The following TM6SF1 variants were observed in gnomAD, a reference collection of about 807,000 sequenced individuals.
The protein encoded by TM6SF1 is transmembrane 6 superfamily member 1.
TM6SF1 carries 43 observed loss-of-function variants against 47.1 expected under a neutral mutation model. The observed-to-expected ratio is 0.91, with a 90% confidence interval of 0.72 to 1.18. The LOEUF (loss-of-function observed/expected upper bound fraction) is 1.18, where lower values mean the gene tolerates loss of function less well. Ranked by LOEUF, TM6SF1 falls within the 50% of genes most tolerant of loss-of-function variation. The pLI, the probability that TM6SF1 is intolerant of heterozygous loss-of-function variation, is 0.00. For missense variants in TM6SF1, 390 were observed against 449.0 expected (o/e 0.87, Z 1.19); for synonymous variants, 177 against 166.3 (o/e 1.06, Z -0.49).
chr15:83,120,247 G>C (rs1464603042), intron 4 of TM6SF1, among the ~76,000 whole-genome samples: 1 of 152,216 alleles, frequency 6.6e-6, no homozygotes, highest in African/African-American at 2.4e-5. Context: ...ATGCTAGCTT[G>C]GTCTTGGGAG....
chr15:83,131,114 A>T (rs1314028548), intron 9 of TM6SF1: 1 of 152,060 alleles, frequency 6.6e-6, no homozygotes, highest in Non-Finnish European at 1.5e-5. Context: ...AAAAAAACAA[A>T]ACAAAACAAA....
At chr15:83,119,783 C>T in intron 4 of TM6SF1, 102 bp downstream of exon 4, 3 of 1,557,940 alleles carry the variant, frequency 1.9e-6, no homozygotes, top group South Asian at 2.4e-5. Flanking sequence ...AGCAGGTATA[C>T]TGGACATGAA....
intron 3 of TM6SF1, among the ~76,000 whole-genome samples, chr15:83,118,133 G>A (rs1407800686): frequency 1.3e-5 from 2 of 152,124 alleles, no homozygotes; most frequent in African/African-American, 4.8e-5. Context: ...AGACAAAGGC[G>A]GGAGGATCGC....
Position 83,122,751 on chromosome 15 carries a change from A to G in TM6SF1, c.482-6A>G. On this transcript the variant is annotated splice_polypyrimidine_tract_variant and splice_region_variant and intron_variant, in intron 5 of 9. Transcript: ENST00000322019. ...TAACTTCTTTCTCTTTCTCTCTTTTAAATAGGGAAGTATGGAACACGAATT... is the reference window on the plus strand; with the variant it reads ...TAACTTCTTTCTCTTTCTCTCTTTTGAATAGGGAAGTATGGAACACGAATT... 6.2e-7 allele frequency: 1 copy of G among 1,612,688 alleles called. No homozygotes were observed. Among genetic ancestry groups the G allele is most frequent in the Non-Finnish European group, 8.5e-7 (1 of 1,179,666 alleles).
At chr15:83,122,734 T>G in intron 5 of TM6SF1, 23 bp from the exon 6 acceptor site, 1 of 1,609,546 alleles carries the variant, frequency 6.2e-7, no homozygotes, top group South Asian at 1.1e-5. Flanking sequence ...GGTAACTTCT[T>G]TCTCTTTCTC....
chr15:83,136,469 T>A lies in TM6SF1; in HGVS notation c.922-12T>A, dbSNP rs745352496. 15 of 1,562,094 alleles carry A rather than the reference T, an allele frequency of 9.6e-6. No homozygotes were observed. The Admixed American group carries it at 1.3e-4, about 13-fold the overall frequency. ...TCATGCTTACTCAATTTTTTTTTTT[T>A]AAATGCAACAGGCTCAGTTTTCTCA... is the stretch of plus-strand genomic sequence containing the variant. On this transcript the variant is annotated splice_polypyrimidine_tract_variant and intron_variant, in intron 9 of 9. Coordinates refer to ENST00000322019, the MANE Select transcript of TM6SF1 (RefSeq NM_023003.5).
At chr15:83,134,644 G>A (rs2036493146) in intron 9 of TM6SF1, 1 of 152,220 alleles carries the variant, frequency 6.6e-6, no homozygotes, top group Non-Finnish European at 1.5e-5. Context: ...CCCTATGCAA[G>A]TAGGCACAAC....
chr15:83,127,449 C>T lies in TM6SF1; in HGVS notation c.893C>T (p.Thr298Ile). Residue 298 changes from threonine to isoleucine, a missense_variant, in exon 9 of 10, where the codon ACA becomes ATA. By Grantham distance (89) the Thr-to-Ile change is moderately conservative. Coordinates refer to ENST00000322019, the MANE Select transcript of TM6SF1 (RefSeq NM_023003.5). ...GGATGTTCCTGGATGCCTGACATCA[C>T]ATTGATACATGCTGGAGGTCTGGCT... ...VPGCSWMPDI[T>I]LIHAGGLAQA... is the part of the protein sequence containing the mutation. 6.2e-7 allele frequency: 1 copy of T among 1,613,828 alleles called. No individual in the cohort carries two copies. The highest frequency in any genetic ancestry group is 8.5e-7 in the Non-Finnish European group (1 of 1,179,856).
At position 83,107,993 on chromosome 15, in the gene TM6SF1, A is replaced by G; in HGVS notation, c.92+221A>G. The stretch of plus-strand genomic sequence containing the variant: ...GGCCCTGAGGTGCCCAGGCTGGCGC[A>G]TTTCGGGATGTTGGTGCCAGCACCG... On this transcript the variant is annotated intron_variant, in intron 1 of 9. Coordinates refer to ENST00000322019, the MANE Select transcript of TM6SF1 (RefSeq NM_023003.5). The surrounding 1 kb of genome is among the most constrained non-coding windows in gnomAD (Gnocchi z 5.6). 1.0e-6 allele frequency: 1 copy of G among 957,886 alleles called. No individual in the cohort carries two copies. Among genetic ancestry groups the G allele is most frequent in the Non-Finnish European group, 1.4e-6 (1 of 725,656 alleles). The allele number at this position is 957,886 out of a possible 1,614,324, so 59.3% of individuals were successfully genotyped here.
At chr15:83,118,736 G>A (rs1188998451) in intron 3 of TM6SF1, among the ~76,000 whole-genome samples, 2 of 152,164 alleles carry the variant, frequency 1.3e-5, no homozygotes, top group Non-Finnish European at 2.9e-5. Context: ...AGCCAGGACA[G>A]CATGAACGTG....
intron 3 of TM6SF1, among the ~76,000 whole-genome samples, chr15:83,119,164 G>C (rs2034984135): frequency 6.6e-6 from 1 of 152,176 alleles, no homozygotes; most frequent in Non-Finnish European, 1.5e-5. Context: ...GGATCAGCAT[G>C]AATTATTAAG....
intron 1 of TM6SF1, chr15:83,111,719 G>C: frequency 1.0e-6 from 1 of 982,260 alleles, no homozygotes; most frequent in Non-Finnish European, 1.2e-6. Flanking sequence ...GTAGTATTTT[G>C]TCTAGAATTG....
At chr15:83,111,985 C>T (rs774010165) in intron 1 of TM6SF1, among the ~76,000 whole-genome samples, 4 of 152,264 alleles carry the variant, frequency 2.6e-5, no homozygotes, top group Non-Finnish European at 5.9e-5. Context: ...CCTAGGGTGA[C>T]ACAGTTAGCA....
chr15:83,119,761 G>C, intron 4 of TM6SF1, 80 bp downstream of exon 4: 1 of 1,593,942 alleles, frequency 6.3e-7, no homozygotes, highest in East Asian at 2.2e-5. Context: ...TATGCATAGA[G>C]GCAAATACAC....
chr15:83,136,699 T>C lies in TM6SF1; in HGVS notation c.*27T>C, dbSNP rs539584765. 4.5e-6 allele frequency: 7 copies of C among 1,564,346 alleles called. No homozygotes were observed. In the African/African-American group the frequency reaches 9.6e-5, roughly 22 times the overall value. On this transcript the variant is annotated 3_prime_UTR_variant, in exon 10 of 10. Coordinates refer to ENST00000322019, the MANE Select transcript of TM6SF1 (RefSeq NM_023003.5). ...AATATTACTTCATGTTCCTCCTTTCTAAATTACTAACTTTTGTTATACTGG... is the reference window on the plus strand; with the variant it reads ...AATATTACTTCATGTTCCTCCTTTCCAAATTACTAACTTTTGTTATACTGG...
At chr15:83,127,285 C>G in intron 8 of TM6SF1, 73 bp from the exon 9 acceptor site, 3 of 1,410,010 alleles carry the variant, frequency 2.1e-6, no homozygotes, top group South Asian at 1.7e-5. Flanking sequence ...AAAATGTTTA[C>G]TTTTTTGTAC....
chr15:83,134,750 C>A (rs953775880), intron 9 of TM6SF1: 3 of 152,208 alleles, frequency 2.0e-5, no homozygotes, highest in African/African-American at 7.2e-5. Context: ...AACCACCAAA[C>A]CCAGATTTCT....
chr15:83,126,944 G>C, intron 8 of TM6SF1, 97 bp downstream of exon 8: 2 of 941,732 alleles, frequency 2.1e-6, no homozygotes, highest in Non-Finnish European at 3.2e-6. Flanking sequence ...TGTAATCCCA[G>C]CACTTTGGGA....
chr15:83,127,163 C>T (rs2035840867), intron 8 of TM6SF1, among the ~76,000 whole-genome samples, 195 bp from the exon 9 acceptor site: 1 of 150,936 alleles, frequency 6.6e-6, no homozygotes, highest in Non-Finnish European at 1.5e-5. Context: ...CACTGCACTC[C>T]AGCCTGAGTG....
Sources: allele counts gnomAD v4.1 joint callset (sites outside exome capture counted in the v4.1 genomes callset), GRCh38; gene constraint gnomAD v4.1.1; non-coding constraint Gnocchi (gnomAD v3.1); transcripts MANE v1.5; gene names NCBI Gene and HGNC (gene_info 2026-07-23, HGNC 2026-07-21).